Variants in EXOC5 observed in about 807,000 individuals in gnomAD.
EXOC5 encodes the protein SEC10-like 1.
A neutral mutation model predicts 90.8 loss-of-function variants in EXOC5; 17 were observed. That is an observed-to-expected ratio of 0.19 (90% CI 0.13 to 0.28). The LOEUF (loss-of-function observed/expected upper bound fraction) is 0.28. EXOC5 is among the 10% of genes least tolerant of loss of function. The pLI is 1.00. For missense variants in EXOC5, 569 were observed against 830.6 expected, an observed-to-expected ratio of 0.69 and a Z score of 3.87; for synonymous variants, 260 against 270.0, an observed-to-expected ratio of 0.96 and a Z score of 0.36.
intron 15 of EXOC5, among the ~76,000 whole-genome samples, chr14:57,211,955 G>C (rs1024987269): frequency 6.6e-6 from 1 of 152,122 alleles, no homozygotes; most frequent in African/African-American, 2.4e-5. Flanking sequence ...GACCTACCAG[G>C]CTCAAGTGAT....
At chr14:57,222,260 A>G (rs1199018865) in intron 13 of EXOC5, 48 bp downstream of exon 13, 2 of 924,014 alleles carry the variant, frequency 2.2e-6, no homozygotes, top group Non-Finnish European at 3.4e-6. Flanking sequence ...TAGTTTAACC[A>G]AGCAGAATCA....
chr14:57,268,028 C>G (rs1405141150), intron 1 of EXOC5, among the ~76,000 whole-genome samples: 1 of 151,880 alleles, frequency 6.6e-6, no homozygotes, highest in Non-Finnish European at 1.5e-5. Flanking sequence ...CAGTCTATCT[C>G]TCTTCAGTCG....
chr14:57,264,456 C>G (rs1327014261), intron 1 of EXOC5, among the ~76,000 whole-genome samples: 1 of 152,014 alleles, frequency 6.6e-6, no homozygotes, highest in Non-Finnish European at 1.5e-5. Context: ...CTATCATAGC[C>G]AAATTACCTG....
At chr14:57,212,366 T>C (rs900764127) in intron 15 of EXOC5, among the ~76,000 whole-genome samples, 2 of 152,206 alleles carry the variant, frequency 1.3e-5, no homozygotes, top group African/African-American at 2.4e-5. Flanking sequence ...AGAAAAGACA[T>C]CCCTGGTTAT....
At chr14:57,228,801 C>T (rs1594659793) in intron 12 of EXOC5, among the ~76,000 whole-genome samples, 1 of 148,812 alleles carries the variant, frequency 6.7e-6, no homozygotes, top group African/African-American at 2.5e-5. Flanking sequence ...CACGTGTATA[C>T]CTATGTAACA....
chr14:57,210,315 T>G (rs1378221130), intron 15 of EXOC5, among the ~76,000 whole-genome samples: 5 of 152,134 alleles, frequency 3.3e-5, no homozygotes, highest in Admixed American at 3.3e-4. Context: ...GATTCAAAGA[T>G]CTCAGAAGTC....
chr14:57,232,839 A>T, intron 9 of EXOC5, 90 bp from the exon 10 acceptor site: 1 of 601,350 alleles, frequency 1.7e-6, no homozygotes, highest in Non-Finnish European at 2.9e-6. Context: ...TTCACTCCAC[A>T]GTTTTGAACC....
rs1882491713 is a variant in EXOC5, at chr14:57,201,329, G to C, written c.*7280C>G. ...AAGAGGCTACTTCTGACCAAATTTG[G>C]GATAATTTGAGATTTGGTAAAATGA... On this transcript the variant is annotated 3_prime_UTR_variant, in exon 18 of 18. Transcript: ENST00000621441. 1 of 151,184 alleles carries C rather than the reference G, an allele frequency of 6.6e-6. No individual in the cohort carries two copies. 9.4% of individuals were successfully genotyped at this position (151,184 alleles called of 1,614,324 possible).
intron 12 of EXOC5, among the ~76,000 whole-genome samples, chr14:57,228,630 C>T (rs1203678311): frequency 6.7e-6 from 1 of 150,324 alleles, no homozygotes; most frequent in Admixed American, 6.6e-5. Context: ...CACATGTTCT[C>T]ACTCATTAAG....
intron 15 of EXOC5, among the ~76,000 whole-genome samples, chr14:57,217,091 A>G (rs901730874): frequency 6.6e-6 from 1 of 152,236 alleles, no homozygotes; most frequent in East Asian, 1.9e-4. Context: ...GGCTCTTTTC[A>G]AAAAGGCAAT....
chr14:57,220,579 C>T (rs58096591), intron 13 of EXOC5, among the ~76,000 whole-genome samples: 93 of 152,028 alleles, frequency 6.1e-4, no homozygotes, highest in African/African-American at 1.9e-3. Context: ...GAGGGAGGAT[C>T]GCTTGGAGCC....
intron 3 of EXOC5, among the ~76,000 whole-genome samples, chr14:57,244,652 C>T (rs889943337): frequency 1.3e-5 from 2 of 152,048 alleles, no homozygotes; most frequent in Non-Finnish European, 2.9e-5. Flanking sequence ...CACCATTTAG[C>T]CCCAAATGAT....
Position 57,205,114 on chromosome 14 carries a change from A to C in EXOC5, c.*3495T>G, listed in dbSNP as rs1882610935. 6.6e-6 allele frequency: 1 copy of C among 152,028 alleles called. No homozygotes were observed. The highest frequency in any genetic ancestry group is 1.5e-5 in the Non-Finnish European group (1 of 67,904). 9.4% of individuals were successfully genotyped at this position (152,028 alleles called of 1,614,324 possible). On this transcript the variant is annotated 3_prime_UTR_variant, in exon 18 of 18. Transcript: ENST00000621441. ...TACCCAAATCCTAGGGTTGCTCTAG[A>C]ATCCAATAATATGTGCAAAGGACTT...
At chr14:57,224,883 G>A (rs997232034) in intron 12 of EXOC5, among the ~76,000 whole-genome samples, 9 of 152,096 alleles carry the variant, frequency 5.9e-5, no homozygotes, top group South Asian at 2.1e-4. Flanking sequence ...CCAACATGGC[G>A]AAACCCTGTC....
At chr14:57,226,078 G>A (rs547549491) in intron 12 of EXOC5, among the ~76,000 whole-genome samples, 3 of 152,314 alleles carry the variant, frequency 2.0e-5, no homozygotes, top group East Asian at 1.9e-4. Flanking sequence ...TTTCTCTCAG[G>A]TGAGCTGAGG....
At chr14:57,225,534 C>G (rs1883279136) in intron 12 of EXOC5, among the ~76,000 whole-genome samples, 1 of 149,846 alleles carries the variant, frequency 6.7e-6, no homozygotes, top group Admixed American at 6.7e-5. Flanking sequence ...ATAAGTAAAA[C>G]TGTATTTATG....
intron 11 of EXOC5, among the ~76,000 whole-genome samples, chr14:57,231,047 C>T (rs1296259159): frequency 4.8e-5 from 7 of 145,946 alleles, no homozygotes; most frequent in African/African-American, 1.8e-4. Flanking sequence ...CTTGCTGTGT[C>T]GCCCAGGCTG....
chr14:57,227,975 C>T (rs988968702), intron 12 of EXOC5, among the ~76,000 whole-genome samples: 19 of 142,840 alleles, frequency 1.3e-4, no homozygotes, highest in Admixed American at 6.8e-5. Flanking sequence ...CACACACACA[C>T]GTATGTAAAC....
At position 57,219,373 on chromosome 14, in the gene EXOC5, A is replaced by G. The variant is rs1360305746; in HGVS notation, c.1475T>C (p.Ile492Thr). ...AAACTGTTTGTCAAAAAGATGAAAA[A>G]TAGTATTGGCCTGTTGCACAACGTC... is the stretch of plus-strand genomic sequence containing the variant. ...FLDVVQQANT[I>T]FHLFDKQFND... The change falls in exon 14 of 18, where the codon ATT becomes ACT. Residue 492 changes from isoleucine to threonine, a missense_variant. Around this residue, in one of 9 missense-constraint regions of EXOC5, gnomAD observed 34 missense variants for 101.1 expected, o/e 0.34. Transcript: ENST00000621441. 3 of 1,541,302 alleles carry G rather than the reference A, an allele frequency of 1.9e-6. No individual in the cohort carries two copies. The highest frequency in any genetic ancestry group is 1.8e-6 in the Non-Finnish European group (2 of 1,136,360).
Sources: gnomAD v4.1 joint callset for allele counts (sites outside exome capture counted in the v4.1 genomes callset) on GRCh38, gnomAD v4.1.1 for gene constraint, gnomAD v4.1.1 regional missense constraint, MANE v1.5 for transcripts, NCBI Gene and HGNC (gene_info 2026-07-23, HGNC 2026-07-21) for gene names.